Variants in SPINK5 observed in about 807,000 individuals in gnomAD.
SPINK5 encodes serine protease inhibitor Kazal-type 5.
SPINK5 carries 125 observed loss-of-function variants against 151.8 expected under a neutral mutation model. The observed-to-expected ratio is 0.82, with a 90% CI of 0.71 to 0.96. The LOEUF is 0.96. Among genes scored for constraint, SPINK5 ranks in the 40% least tolerant of loss-of-function variants. The pLI, the probability that SPINK5 is intolerant of heterozygous loss-of-function variation, is 0.00. For synonymous variants in SPINK5, 374 were observed against 395.3 expected (o/e 0.95, Z 0.64); for missense variants, 1,194 against 1,291.9 (o/e 0.92, Z 1.16).
intron 32 of SPINK5, among the ~76,000 whole-genome samples, chr5:148,135,223 T>TAC (rs1389821768): frequency 6.6e-6 from 1 of 152,126 alleles, no homozygotes; most frequent in East Asian, 1.9e-4. Flanking sequence ...TTCTTAGTAG[T>TAC]TGGCTCCCAT....
intron 23 of SPINK5, 38 bp from the exon 24 acceptor site, chr5:148,118,948 T>G (rs781489528): frequency 6.2e-7 from 1 of 1,603,766 alleles, no homozygotes; most frequent in Non-Finnish European, 8.5e-7. Context: ...GGGTCAATAT[T>G]TGTTAACAAG....
intron 30 of SPINK5, among the ~76,000 whole-genome samples, chr5:148,128,026 T>C (rs1326352355): frequency 6.6e-6 from 1 of 152,104 alleles, no homozygotes; most frequent in Admixed American, 6.6e-5. Flanking sequence ...AAAAGGAAGA[T>C]TTTAGCACCT....
At chr5:148,104,021 AG>A in intron 15 of SPINK5, among the ~76,000 whole-genome samples, 1 of 152,316 alleles carries the variant, frequency 6.6e-6, no homozygotes. Context: ...TCATATGCCT[AG>A]TTTTGGAAGG....
intron 4 of SPINK5, among the ~76,000 whole-genome samples, chr5:148,081,711 AT>A (rs1753025689): frequency 6.6e-6 from 1 of 151,718 alleles, no homozygotes; most frequent in Non-Finnish European, 1.5e-5. Context: ...AACTCTTTCC[AT>A]TTACTAAAAA....
At chr5:148,133,414 G>A (rs935916519) in intron 31 of SPINK5, among the ~76,000 whole-genome samples, 6 of 152,078 alleles carry the variant, frequency 3.9e-5, no homozygotes, top group Non-Finnish European at 2.9e-5. Context: ...TATCATTTGT[G>A]TCTTGTTATA....
At chr5:148,121,873 T>G (rs1754275635) in intron 26 of SPINK5, among the ~76,000 whole-genome samples, 1 of 151,272 alleles carries the variant, frequency 6.6e-6, no homozygotes, top group African/African-American at 2.4e-5. Context: ...GAGGTTAAGG[T>G]GAGAGGATCA....
intron 11 of SPINK5, among the ~76,000 whole-genome samples, chr5:148,098,339 A>T (rs527602884): frequency 1.3e-5 from 2 of 152,074 alleles, no homozygotes; most frequent in Non-Finnish European, 2.9e-5. Context: ...TCCAAAGGTG[A>T]TGCTTAATGT....
intron 27 of SPINK5, 99 bp downstream of exon 27, chr5:148,124,059 T>TA: frequency 7.6e-7 from 1 of 1,320,898 alleles, no homozygotes; most frequent in South Asian, 1.2e-5. Context: ...GCATCACACA[T>TA]TAATGATATG....
rs1581079107 is a variant in SPINK5, at chr5:148,099,246, T to C, written c.1023T>C (p.Asn341=). 4 of 1,610,032 alleles carry C rather than the reference T, an allele frequency of 2.5e-6. No individual in the cohort carries two copies. Among genetic ancestry groups the C allele is most frequent in the Non-Finnish European group, 2.5e-6 (3 of 1,178,046 alleles). The change falls in exon 12 of 33, where the codon AAT becomes AAC. Residue 341 remains asparagine (N), a synonymous_variant. Transcript: ENST00000256084. ...SMCQAYFQAE[N]EEKKKAEARA... is the part of the protein sequence containing the mutation. ...CCCTCTTATTCAGCCAAGCAGAAAA[T>C]GAAGAAAAGAAAAAGGCTGAAGCAC...
rs188638048 is a variant in SPINK5, at chr5:148,097,691, G to A, written c.883-176G>A. 1.2e-4 allele frequency among the ~76,000 whole-genome samples: 18 copies of A among 151,920 alleles called. No homozygotes were observed. In the South Asian group the frequency reaches 1.9e-3, roughly 16 times the overall value. ...TTATATATTCCTAACTTAAGCATTCGTTGAAAATGTAAATGGATATTACAA... is the reference window on the plus strand; with the variant it reads ...TTATATATTCCTAACTTAAGCATTCATTGAAAATGTAAATGGATATTACAA... On this transcript the variant is annotated intron_variant, in intron 10 of 32. Transcript: ENST00000256084.
intron 12 of SPINK5, 35 bp downstream of exon 12, chr5:148,099,350 G>A (rs1753570723): frequency 6.3e-7 from 1 of 1,590,520 alleles, no homozygotes. Context: ...CCTATTTGGT[G>A]CTATAATTTG....
At position 148,064,077 on chromosome 5, in the gene SPINK5, C is replaced by G; in HGVS notation, c.33C>G (p.Pro11=). Residue 11 remains proline (P), a synonymous_variant, in exon 1 of 33, where the codon CCC becomes CCG. Coordinates refer to ENST00000256084, the MANE Select transcript of SPINK5 (RefSeq NM_006846.4). MKIATVSVLL[P]LALCLIQDAA... is the part of the protein sequence containing the mutation. ...TAGCCACAGTGTCAGTGCTTCTGCC[C>G]TTGGCTCTTTGCCTCATACAAGGTG... The G allele has an allele frequency of 6.2e-7, 1 of 1,614,156 alleles. No individual in the cohort carries two copies. The highest frequency in any genetic ancestry group is 8.5e-7 in the Non-Finnish European group (1 of 1,180,026).
chr5:148,095,957 T>G, intron 10 of SPINK5, 52 bp downstream of exon 10: 1 of 1,400,400 alleles, frequency 7.1e-7, no homozygotes, highest in Middle Eastern at 1.8e-4. Flanking sequence ...TGTGGGGGGG[T>G]GCGTGTGTGA....
intron 1 of SPINK5, 122 bp downstream of exon 1, chr5:148,064,221 C>A: frequency 1.0e-6 from 1 of 999,376 alleles, no homozygotes; most frequent in Non-Finnish European, 1.6e-6. Flanking sequence ...CCTGAAATGT[C>A]TTGCCAGACA....
intron 3 of SPINK5, 24 bp from the exon 4 acceptor site, chr5:148,072,124 A>G (rs370957411): frequency 2.6e-5 from 42 of 1,606,718 alleles, no homozygotes; most frequent in Admixed American, 5.0e-5. Context: ...TGTTTAAACT[A>G]TGCTATTTCT....
At chr5:148,077,719 C>G (rs1752921996) in intron 4 of SPINK5, among the ~76,000 whole-genome samples, 1 of 148,650 alleles carries the variant, frequency 6.7e-6, no homozygotes, top group East Asian at 2.0e-4. Flanking sequence ...CAAAGTTTCT[C>G]TATTTTACCA....
At chr5:148,072,914 G>A (rs1370201480) in intron 4 of SPINK5, among the ~76,000 whole-genome samples, 1 of 150,472 alleles carries the variant, frequency 6.6e-6, no homozygotes, top group Non-Finnish European at 1.5e-5. Context: ...ATAGAAGGAA[G>A]GAAAGAAACT....
At chr5:148,079,870 C>G (rs1469133122) in intron 4 of SPINK5, among the ~76,000 whole-genome samples, 2 of 150,918 alleles carry the variant, frequency 1.3e-5, no homozygotes, top group African/African-American at 2.4e-5. Context: ...TTACTGTCAC[C>G]ACTCCTATTC....
intron 4 of SPINK5, among the ~76,000 whole-genome samples, chr5:148,085,502 T>C (rs1485450588): frequency 1.3e-5 from 2 of 151,982 alleles, no homozygotes; most frequent in East Asian, 3.9e-4. Context: ...TTCATAAGAA[T>C]TCACTTGATC....
Sources: allele counts gnomAD v4.1 joint callset (sites outside exome capture counted in the v4.1 genomes callset), GRCh38; gene constraint gnomAD v4.1.1; transcripts MANE v1.5; gene names NCBI Gene and HGNC (gene_info 2026-07-23, HGNC 2026-07-21).